CREB5: variants seen among roughly 807,000 people sequenced by gnomAD.
CREB5 encodes cyclic AMP-responsive element-binding protein 5.
CREB5 carries 19 observed loss-of-function variants against 57.1 expected under a neutral mutation model. The observed-to-expected ratio is 0.33, with a 90% CI of 0.23 to 0.49. CREB5 has a LOEUF of 0.49. Ranked by LOEUF, CREB5 falls within the 20% of genes least tolerant of loss-of-function variation. The pLI is 0.99. For synonymous variants in CREB5, 238 were observed against 238.3 expected, an observed-to-expected ratio of 1.00 and a Z score of 0.01; for missense variants, 579 against 671.6, an observed-to-expected ratio of 0.86 and a Z score of 1.52.
chr7:28,753,370 G>T (rs75792284), intron 7 of CREB5, among the ~76,000 whole-genome samples: 2 of 151,774 alleles, frequency 1.3e-5, no homozygotes, highest in African/African-American at 4.8e-5. Flanking sequence ...TCTCTCTCTC[G>T]TGCATGCATA....
chr7:28,522,067 G>A (rs762327260), intron 4 of CREB5, among the ~76,000 whole-genome samples: 6 of 152,076 alleles, frequency 3.9e-5, no homozygotes, highest in Non-Finnish European at 8.8e-5. Flanking sequence ...TATTATCCCC[G>A]TTCATCATAG....
At chr7:28,570,688 G>A in intron 5 of CREB5, 151 bp downstream of exon 5, 3 of 933,388 alleles carry the variant, frequency 3.2e-6, no homozygotes, top group Non-Finnish European at 4.7e-6. Flanking sequence ...GATGGGAGAA[G>A]GGAGGAGTCT....
upstream of CREB5, among the ~76,000 whole-genome samples, chr7:28,411,684 A>G (rs1787811906): frequency 6.6e-6 from 1 of 152,216 alleles, no homozygotes; most frequent in Non-Finnish European, 1.5e-5. Flanking sequence ...GGTGAAAACT[A>G]AATAAAGAAA....
chr7:28,485,885 G>T (rs1275353261), intron 1 of CREB5, among the ~76,000 whole-genome samples: 1 of 152,146 alleles, frequency 6.6e-6, no homozygotes, highest in East Asian at 1.9e-4. Flanking sequence ...CAGTGGGGAA[G>T]AGAGATGCTC....
chr7:28,472,086 GCT>G (rs1216806225), intron 1 of CREB5, among the ~76,000 whole-genome samples: 2 of 150,720 alleles, frequency 1.3e-5, no homozygotes, highest in African/African-American at 4.9e-5. Flanking sequence ...TATTTGACAT[GCT>G]TTCCATCCCA....
At chr7:28,600,559 G>A (rs1026583412) in intron 5 of CREB5, among the ~76,000 whole-genome samples, 37 of 152,232 alleles carry the variant, frequency 2.4e-4, no homozygotes, top group African/African-American at 7.9e-4. Flanking sequence ...TGGCTAATGC[G>A]CTATTCATGG....
intron 1 of CREB5, among the ~76,000 whole-genome samples, chr7:28,449,619 C>G (rs1789686643): frequency 6.6e-6 from 1 of 152,122 alleles, no homozygotes; most frequent in Non-Finnish European, 1.5e-5. Flanking sequence ...TTGGTTAACT[C>G]TAACAGTGAA....
At chr7:28,301,899 C>T (rs1355758994) in intron 1 of CREB5, among the ~76,000 whole-genome samples, 2 of 152,148 alleles carry the variant, frequency 1.3e-5, no homozygotes, top group African/African-American at 4.8e-5. Context: ...AAAATTTCAC[C>T]TTGAGACAAA....
At chr7:28,482,441 A>G (rs527441597) in intron 1 of CREB5, among the ~76,000 whole-genome samples, 2 of 152,344 alleles carry the variant, frequency 1.3e-5, no homozygotes, top group Admixed American at 1.3e-4. Context: ...TAACTAATAT[A>G]ATTAATAAAC....
intron 7 of CREB5, among the ~76,000 whole-genome samples, chr7:28,752,872 CTT>C (rs994442737): frequency 6.6e-6 from 1 of 151,288 alleles, no homozygotes; most frequent in Non-Finnish European, 1.5e-5. Flanking sequence ...ATCTTCTACT[CTT>C]TATTCTTTTC....
At chr7:28,613,638 T>C (rs1583419597) in intron 5 of CREB5, among the ~76,000 whole-genome samples, 1 of 152,268 alleles carries the variant, frequency 6.6e-6, no homozygotes, top group Non-Finnish European at 1.5e-5. Context: ...GGTCATTAAC[T>C]GCCCTGTGTC....
chr7:28,585,712 C>T (rs1398857222), intron 5 of CREB5, among the ~76,000 whole-genome samples: 1 of 152,016 alleles, frequency 6.6e-6, no homozygotes, highest in Non-Finnish European at 1.5e-5. Context: ...AAAGCCCCAC[C>T]ACCAGAATTG....
At chr7:28,341,275 A>T (rs1785931934) in intron 1 of CREB5, among the ~76,000 whole-genome samples, 1 of 152,138 alleles carries the variant, frequency 6.6e-6, no homozygotes, top group African/African-American at 2.4e-5. Flanking sequence ...GATTTTCATT[A>T]GTTTAAACCT....
intron 5 of CREB5, among the ~76,000 whole-genome samples, chr7:28,593,729 G>A (rs1040637880): frequency 2.6e-5 from 4 of 152,126 alleles, no homozygotes; most frequent in African/African-American, 7.2e-5. Context: ...GAATACCTTG[G>A]GCCCAGCCCC....
intron 4 of CREB5, among the ~76,000 whole-genome samples, chr7:28,518,189 G>A (rs1793056737): frequency 6.6e-6 from 1 of 152,180 alleles, no homozygotes; most frequent in Non-Finnish European, 1.5e-5. Flanking sequence ...TCTGTTCTAA[G>A]AAAACTTTGA....
chr7:28,696,441 T>C (rs1801566780), intron 5 of CREB5, among the ~76,000 whole-genome samples: 1 of 152,200 alleles, frequency 6.6e-6, no homozygotes, highest in South Asian at 2.1e-4. Flanking sequence ...TTCTGAGCTG[T>C]GTATTTAAGC....
chr7:28,701,308 A>G (rs1356847954), intron 5 of CREB5, among the ~76,000 whole-genome samples: 2 of 152,294 alleles, frequency 1.3e-5, no homozygotes, highest in African/African-American at 4.8e-5. Flanking sequence ...AATGATTTAA[A>G]TGGCCCCCCA....
intron 5 of CREB5, among the ~76,000 whole-genome samples, chr7:28,623,735 T>A (rs1175369136): frequency 1.3e-5 from 2 of 152,198 alleles, no homozygotes; most frequent in African/African-American, 4.8e-5. Context: ...GTTAAATGGT[T>A]TTGAATTATT....
intron 1 of CREB5, among the ~76,000 whole-genome samples, chr7:28,333,989 T>C (rs1785765195): frequency 6.6e-6 from 1 of 152,190 alleles, no homozygotes; most frequent in African/African-American, 2.4e-5. Context: ...TTCATAGTGG[T>C]TTTACTAATT....
Sources: allele counts gnomAD v4.1 joint callset (sites outside exome capture counted in the v4.1 genomes callset), GRCh38; gene constraint gnomAD v4.1.1; transcripts MANE v1.5; gene names NCBI Gene and HGNC (gene_info 2026-07-23, HGNC 2026-07-21).